The following TMEM232 variants were observed in gnomAD, a reference collection of about 807,000 sequenced individuals.
TMEM232 encodes transmembrane protein 232.
TMEM232 carries 80 observed loss-of-function variants against 78.8 expected under a neutral mutation model. The ratio of observed to expected loss-of-function variants is 1.01; its 90% CI spans 0.85 to 1.22. The LOEUF (loss-of-function observed/expected upper bound fraction) is 1.22, where lower values mean the gene tolerates loss of function less well. Ranked by LOEUF, TMEM232 falls within the 50% of genes most tolerant of loss-of-function variation. The pLI, the probability that TMEM232 is intolerant of heterozygous loss-of-function variation, is 0.00. For missense variants in TMEM232, 881 were observed against 742.2 expected, an observed-to-expected ratio of 1.19 and a Z score of -2.17; for synonymous variants, 297 against 254.3, an observed-to-expected ratio of 1.17 and a Z score of -1.60.
chr5:110,662,264 T>C (rs935204722), intron 2 of TMEM232, among the ~76,000 whole-genome samples: 2 of 152,026 alleles, frequency 1.3e-5, no homozygotes, highest in African/African-American at 4.8e-5. Flanking sequence ...TACATAGAAA[T>C]AAATCTAACA....
intron 2 of TMEM232, among the ~76,000 whole-genome samples, chr5:110,403,792 T>C (rs1187413146): frequency 6.6e-6 from 1 of 151,260 alleles, no homozygotes; most frequent in African/African-American, 2.4e-5. Context: ...TCAGGGAGAG[T>C]TGAAGAGACC....
At chr5:110,590,940 G>A (rs942621946) in intron 10 of TMEM232, among the ~76,000 whole-genome samples, 2 of 152,006 alleles carry the variant, frequency 1.3e-5, no homozygotes, top group Non-Finnish European at 2.9e-5. Flanking sequence ...ACAGCATGAG[G>A]GAAACCGTCC....
chr5:110,528,918 G>C, intron 11 of TMEM232, 83 bp from the exon 12 acceptor site: 2 of 1,148,392 alleles, frequency 1.7e-6, no homozygotes, highest in Non-Finnish European at 2.2e-6. Flanking sequence ...ATTTTTTAAA[G>C]TATCTTTATT....
intron 5 of TMEM232, among the ~76,000 whole-genome samples, chr5:110,635,124 AGATT>A (rs892455918): frequency 6.6e-6 from 1 of 152,094 alleles, no homozygotes; most frequent in African/African-American, 2.4e-5. Context: ...CAACCTACCA[AGATT>A]GACTCAGGAA....
chr5:110,523,663 T>C (rs1459799183), intron 12 of TMEM232, among the ~76,000 whole-genome samples: 1 of 152,090 alleles, frequency 6.6e-6, no homozygotes, highest in Non-Finnish European at 1.5e-5. Context: ...GTTTACTTTC[T>C]ACATAAAGAC....
chr5:110,575,448 T>A (rs1486104399), intron 10 of TMEM232, among the ~76,000 whole-genome samples: 2 of 152,008 alleles, frequency 1.3e-5, no homozygotes, highest in East Asian at 3.9e-4. Context: ...AGAATTTGCT[T>A]AACTTGAAAT....
intron 12 of TMEM232, among the ~76,000 whole-genome samples, chr5:110,489,295 A>T (rs983733270): frequency 6.6e-6 from 1 of 152,004 alleles, no homozygotes; most frequent in Non-Finnish European, 1.5e-5. Context: ...AAATCTGGCA[A>T]CATATTAAAA....
At chr5:110,624,508 T>C (rs931546792) in intron 7 of TMEM232, among the ~76,000 whole-genome samples, 4 of 152,140 alleles carry the variant, frequency 2.6e-5, no homozygotes, top group Admixed American at 1.3e-4. Flanking sequence ...GCTCTTTCTG[T>C]TGCTCGATAT....
chr5:110,585,401 C>A, intron 10 of TMEM232, among the ~76,000 whole-genome samples: 1 of 152,082 alleles, frequency 6.6e-6, no homozygotes, highest in East Asian at 1.9e-4. Context: ...GGTGAAGTCT[C>A]ACCTCTATGG....
intron 10 of TMEM232, among the ~76,000 whole-genome samples, chr5:110,578,610 C>G (rs1051247543): frequency 2.6e-5 from 4 of 151,804 alleles, no homozygotes; most frequent in Admixed American, 6.6e-5. Flanking sequence ...CTCTTCTTAC[C>G]TAAATATTTC....
chr5:110,623,830 A>G (rs28545130), intron 7 of TMEM232, among the ~76,000 whole-genome samples: 34,171 of 152,144 alleles, frequency 0.22, 6,006 homozygotes, highest in African/African-American at 0.49. Context: ...CACATAGATA[A>G]AGCTGAAATA....
chr5:110,530,039 A>T (rs1047318336), intron 11 of TMEM232, among the ~76,000 whole-genome samples: 3 of 152,166 alleles, frequency 2.0e-5, no homozygotes, highest in Admixed American at 1.3e-4. Context: ...CAATCTTGCG[A>T]TAGGAAAGAC....
intron 12 of TMEM232, among the ~76,000 whole-genome samples, chr5:110,425,910 G>C (rs1189694082): frequency 6.6e-6 from 1 of 152,052 alleles, no homozygotes; most frequent in Non-Finnish European, 1.5e-5. Context: ...TTAGCTTTAA[G>C]ATTAAGATTA....
chr5:110,681,585 A>T (rs943921206), intron 1 of TMEM232, among the ~76,000 whole-genome samples: 1 of 152,212 alleles, frequency 6.6e-6, no homozygotes, highest in African/African-American at 2.4e-5. Flanking sequence ...TCTTCATCCG[A>T]AAAAAGGGGG....
In TMEM232 at chr5:110,534,843, G is replaced by A. The variant is rs148968889; in HGVS notation, c.1456-6008C>T. Among the ~76,000 whole-genome samples, 1,198 of 151,852 alleles carry A rather than the reference G, an allele frequency of 7.9e-3. 14 individuals are homozygous for A. The highest frequency in any genetic ancestry group is 0.027 in the African/African-American group (1,107 of 41,456). Reference sequence around the variant, plus strand: ...TTATACCTGTTTTTCTCCTTATTCCGTTTTTCAATTCATACAAAACCATAT... The same window carrying A: ...TTATACCTGTTTTTCTCCTTATTCCATTTTTCAATTCATACAAAACCATAT... On this transcript the variant is annotated intron_variant, in intron 11 of 13. Coordinates refer to ENST00000455884, the MANE Select transcript of TMEM232 (RefSeq NM_001039763.4).
intron 12 of TMEM232, among the ~76,000 whole-genome samples, chr5:110,498,323 C>A (rs569685518): frequency 6.2e-4 from 95 of 152,096 alleles, no homozygotes; most frequent in African/African-American, 1.8e-3. Context: ...AAAACAAAAA[C>A]AAACTAATCA....
intron 2 of TMEM232, among the ~76,000 whole-genome samples, chr5:110,414,140 T>C (rs1756099945): frequency 6.6e-6 from 1 of 152,252 alleles, no homozygotes; most frequent in Non-Finnish European, 1.5e-5. Flanking sequence ...TTTCGCTTCA[T>C]TCTGGTCTTT....
intron 2 of TMEM232, among the ~76,000 whole-genome samples, chr5:110,656,649 C>T (rs1789106937): frequency 6.6e-6 from 1 of 152,000 alleles, no homozygotes; most frequent in African/African-American, 2.4e-5. Flanking sequence ...ACCATCCTGG[C>T]TAACAAGTGA....
At chr5:110,431,908 T>C (rs1027100) in intron 12 of TMEM232, among the ~76,000 whole-genome samples, 3,818 of 151,772 alleles carry the variant, frequency 0.025, 148 homozygotes, top group African/African-American at 0.084. Context: ...CCTAGCAGCA[T>C]TGTTTGTATA....
Sources: allele counts gnomAD v4.1 joint callset (sites outside exome capture counted in the v4.1 genomes callset), GRCh38; gene constraint gnomAD v4.1.1; transcripts MANE v1.5; gene names NCBI Gene and HGNC (gene_info 2026-07-23, HGNC 2026-07-21).